TTC39B: variants seen among roughly 807,000 people sequenced by gnomAD.
TTC39B encodes tetratricopeptide repeat protein 39B.
In TTC39B, 92 loss-of-function variants were observed where a neutral mutation model predicts 96.6. That is an observed-to-expected ratio of 0.95 (90% CI 0.80 to 1.13). The LOEUF (loss-of-function observed/expected upper bound fraction) is 1.13, where lower values mean the gene tolerates loss of function less well. TTC39B is among the 50% of genes most tolerant of loss of function. The pLI, the probability that TTC39B is intolerant of heterozygous loss-of-function variation, is 0.00. For synonymous variants in TTC39B, 367 were observed against 299.4 expected (o/e 1.23, Z -2.33); for missense variants, 955 against 809.3 (o/e 1.18, Z -2.18).
intron 2 of TTC39B, among the ~76,000 whole-genome samples, chr9:15,258,436 G>T (rs1822832369): frequency 6.6e-6 from 1 of 152,218 alleles, no homozygotes; most frequent in African/African-American, 2.4e-5. Flanking sequence ...CAAGAGTTCA[G>T]TTTGGGACAT....
chr9:15,262,802 C>A (rs1053836297), intron 2 of TTC39B, among the ~76,000 whole-genome samples: 1 of 152,180 alleles, frequency 6.6e-6, no homozygotes, highest in Admixed American at 6.5e-5. Flanking sequence ...ATCAGGTTGG[C>A]AAGAGCACTG....
chr9:15,204,970 T>A (rs1167481051), intron 6 of TTC39B, among the ~76,000 whole-genome samples: 1 of 152,196 alleles, frequency 6.6e-6, no homozygotes, highest in Non-Finnish European at 1.5e-5. Context: ...GTCAGCAGAT[T>A]CTTGCTCTAT....
intron 16 of TTC39B, 91 bp from the exon 17 acceptor site, chr9:15,182,506 G>T: frequency 1.2e-6 from 1 of 848,612 alleles, no homozygotes; most frequent in Non-Finnish European, 1.8e-6. Context: ...GTTTTGCTTC[G>T]GTTTCTAGGA....
At chr9:15,296,696 T>C (rs1009059672) in intron 1 of TTC39B, among the ~76,000 whole-genome samples, 2 of 152,192 alleles carry the variant, frequency 1.3e-5, no homozygotes, top group South Asian at 4.1e-4. Flanking sequence ...GGTTTCACCA[T>C]GGTGGCCAGG....
chr9:15,278,648 A>T (rs527796069), intron 1 of TTC39B, among the ~76,000 whole-genome samples: 1 of 152,362 alleles, frequency 6.6e-6, no homozygotes, highest in South Asian at 2.1e-4. Flanking sequence ...TTTAATGTTT[A>T]ATTTTAAAAC....
At chr9:15,303,133 A>C (rs1000231715) in intron 1 of TTC39B, among the ~76,000 whole-genome samples, 17 of 152,206 alleles carry the variant, frequency 1.1e-4, no homozygotes, top group African/African-American at 4.1e-4. Flanking sequence ...GTGCCACTGC[A>C]CTCCAGCCTG....
chr9:15,230,769 G>A (rs531844235), intron 2 of TTC39B, among the ~76,000 whole-genome samples: 1 of 152,254 alleles, frequency 6.6e-6, no homozygotes, highest in South Asian at 2.1e-4. Context: ...CAGATCACTT[G>A]AGGTCAGGAG....
intron 3 of TTC39B, among the ~76,000 whole-genome samples, chr9:15,217,193 C>T (rs966900999): frequency 6.6e-6 from 1 of 152,186 alleles, no homozygotes; most frequent in Non-Finnish European, 1.5e-5. Flanking sequence ...AAAGAAAATA[C>T]ATCAGCTCTG....
intron 2 of TTC39B, among the ~76,000 whole-genome samples, chr9:15,245,211 C>G (rs1822222079): frequency 6.6e-6 from 1 of 152,166 alleles, no homozygotes; most frequent in Non-Finnish European, 1.5e-5. Context: ...CATTTTATGT[C>G]ACATATGTAG....
intron 2 of TTC39B, among the ~76,000 whole-genome samples, chr9:15,266,767 A>G (rs762413553): frequency 9.9e-5 from 15 of 152,114 alleles, no homozygotes; most frequent in Non-Finnish European, 1.9e-4. Context: ...TCCTCAGGAT[A>G]GGATTAACAC....
chr9:15,225,048 G>A (rs192033913), intron 3 of TTC39B, among the ~76,000 whole-genome samples: 729 of 152,182 alleles, frequency 4.8e-3, no homozygotes, highest in African/African-American at 0.017. Context: ...TCATGTACTA[G>A]AACAGCTTTA....
chr9:15,298,874 C>T (rs926180861), intron 1 of TTC39B, among the ~76,000 whole-genome samples: 19 of 152,266 alleles, frequency 1.2e-4, no homozygotes, highest in African/African-American at 4.3e-4. Flanking sequence ...CACCTTATCC[C>T]GCTATTCCCT....
intron 2 of TTC39B, among the ~76,000 whole-genome samples, chr9:15,253,747 G>C (rs565564355): frequency 1.8e-4 from 27 of 152,026 alleles, no homozygotes; most frequent in African/African-American, 6.5e-4. Flanking sequence ...CTTTGAAATG[G>C]GCTTGTAAGG....
At chr9:15,227,915 T>C in intron 2 of TTC39B, among the ~76,000 whole-genome samples, 1 of 151,120 alleles carries the variant, frequency 6.6e-6, no homozygotes, top group African/African-American at 2.5e-5. Context: ...AGAAAAACCT[T>C]CCCTCTACAA....
At chr9:15,303,634 T>A (rs188352022) in intron 1 of TTC39B, among the ~76,000 whole-genome samples, 6,294 of 145,486 alleles carry the variant, frequency 0.043, 164 homozygotes, top group African/African-American at 0.056. Context: ...ATGAGAAAAA[T>A]TTTTTTTTTT....
intron 1 of TTC39B, among the ~76,000 whole-genome samples, chr9:15,273,804 G>C (rs1823442351): frequency 6.6e-6 from 1 of 152,194 alleles, no homozygotes; most frequent in Non-Finnish European, 1.5e-5. Flanking sequence ...ACTCTGGCAA[G>C]TCATGAATTC....
At chr9:15,204,248 G>T (rs888115665) in intron 6 of TTC39B, among the ~76,000 whole-genome samples, 2 of 152,132 alleles carry the variant, frequency 1.3e-5, no homozygotes, top group African/African-American at 2.4e-5. Context: ...TAAAACTTTG[G>T]CTGTGCGTGG....
intron 3 of TTC39B, among the ~76,000 whole-genome samples, chr9:15,221,408 C>T (rs558711865): frequency 2.6e-5 from 4 of 152,140 alleles, no homozygotes; most frequent in South Asian, 2.1e-4. Flanking sequence ...CAAATTGTCC[C>T]GGATTTGGCA....
chr9:15,219,436 T>A (rs561219687), intron 3 of TTC39B, among the ~76,000 whole-genome samples: 85 of 152,296 alleles, frequency 5.6e-4, no homozygotes, highest in African/African-American at 2.0e-3. Flanking sequence ...TATATCTGAT[T>A]CATAAGATCT....
Sources: gnomAD v4.1 joint callset for allele counts (sites outside exome capture counted in the v4.1 genomes callset) on GRCh38, gnomAD v4.1.1 for gene constraint, MANE v1.5 for transcripts, NCBI Gene and HGNC (gene_info 2026-07-23, HGNC 2026-07-21) for gene names.